The following ICA1L variants were observed in gnomAD, a reference collection of about 807,000 sequenced individuals.
The protein encoded by ICA1L is islet cell autoantigen 1-like protein.
In ICA1L, 50 loss-of-function variants were observed where a neutral mutation model predicts 61.3. The observed-to-expected ratio is 0.82, with a 90% CI of 0.65 to 1.03. ICA1L has a LOEUF of 1.03. ICA1L is among the 50% of genes least tolerant of loss of function. The probability of loss-of-function intolerance (pLI) is 0.00; values close to 1 mark genes in which losing one functional copy is unlikely to be tolerated. For synonymous variants in ICA1L, 161 were observed against 191.3 expected, an observed-to-expected ratio of 0.84 and a Z score of 1.31; for missense variants, 508 against 556.7, an observed-to-expected ratio of 0.91 and a Z score of 0.88.
At position 202,779,351 on chromosome 2, in the gene ICA1L, G is replaced by A. The variant is rs552884921; in HGVS notation, c.*182C>T. Reference sequence around the variant, plus strand: ...ATAGTACCAACAGCTGCAAATCCAAGATATGAAAGATGTGTACTTATTCAA... The same window carrying A: ...ATAGTACCAACAGCTGCAAATCCAAAATATGAAAGATGTGTACTTATTCAA... On this transcript the variant is annotated 3_prime_UTR_variant, in exon 13 of 13. Transcript: ENST00000358299. The A allele has an allele frequency of 4.3e-5, 19 of 441,996 alleles. No homozygotes were observed. Among genetic ancestry groups the A allele is most frequent in the African/African-American group, 3.8e-4 (19 of 49,820 alleles). The allele number at this position is 441,996 out of a possible 1,614,324, so 27.4% of individuals were successfully genotyped here. A position where few individuals can be genotyped will look rare whatever the true frequency, so the allele number is the denominator to read the frequency against.
At chr2:202,804,215 C>T (rs778702204) in intron 9 of ICA1L, among the ~76,000 whole-genome samples, 2 of 152,046 alleles carry the variant, frequency 1.3e-5, no homozygotes, top group Non-Finnish European at 2.9e-5. Context: ...TTCCTCTTTT[C>T]CTATATTCTC....
At chr2:202,785,775 T>C (rs1692561077) in intron 12 of ICA1L, 143 bp downstream of exon 12, 2 of 527,400 alleles carry the variant, frequency 3.8e-6, no homozygotes, top group African/African-American at 1.9e-5. Context: ...ATAAGCAGTA[T>C]AGCTTTCATT....
chr2:202,790,260 T>G (rs757089493), intron 10 of ICA1L, among the ~76,000 whole-genome samples: 1 of 152,110 alleles, frequency 6.6e-6, no homozygotes, highest in Non-Finnish European at 1.5e-5. Flanking sequence ...TCAATAAAAA[T>G]GAAAGGGAGA....
chr2:202,822,748 G>A (rs1693733260), intron 3 of ICA1L, among the ~76,000 whole-genome samples: 1 of 152,052 alleles, frequency 6.6e-6, no homozygotes, highest in Admixed American at 6.5e-5. Context: ...GGCTACTTGT[G>A]GGGCAGCAAC....
At position 202,864,501 on chromosome 2, in the gene ICA1L, G is replaced by A. The variant is rs550233282; in HGVS notation, c.-8+7118C>T. 8.3e-4 allele frequency among the ~76,000 whole-genome samples: 126 copies of A among 152,138 alleles called. 7 individuals are homozygous for A. The highest frequency in any genetic ancestry group is 6.8e-3 in the Middle Eastern group (2 of 294). ...ACCCGCCTCGGCCTCCCAAAGTGCT[G>A]GGATTACAGGCGCCTACAGACCAAT... On this transcript the variant is annotated intron_variant, in intron 1 of 12. Coordinates refer to ENST00000358299, the MANE Select transcript of ICA1L (RefSeq NM_001288622.3).
chr2:202,843,506 T>C (rs1559145393), intron 1 of ICA1L, among the ~76,000 whole-genome samples: 1 of 152,232 alleles, frequency 6.6e-6, no homozygotes. Flanking sequence ...AGAGAAGCTA[T>C]GGCTGAAGGG....
chr2:202,848,242 C>T (rs1202681900), intron 1 of ICA1L, among the ~76,000 whole-genome samples: 1 of 152,264 alleles, frequency 6.6e-6, no homozygotes, highest in Admixed American at 6.5e-5. Flanking sequence ...GGATTACAGG[C>T]GTGAGCCACC....
chr2:202,834,643 A>G (rs1424626925), intron 1 of ICA1L, among the ~76,000 whole-genome samples: 1 of 152,040 alleles, frequency 6.6e-6, no homozygotes, highest in Non-Finnish European at 1.5e-5. Flanking sequence ...AACAAAAACA[A>G]AAAACCCTAC....
intron 1 of ICA1L, among the ~76,000 whole-genome samples, chr2:202,869,975 G>A (rs1687649276): frequency 1.3e-5 from 2 of 152,066 alleles, no homozygotes; most frequent in Non-Finnish European, 1.5e-5. Flanking sequence ...TACTTCGAAC[G>A]AGGAAATCTT....
chr2:202,816,068 G>T, intron 6 of ICA1L, 59 bp from the exon 7 acceptor site: 1 of 1,076,804 alleles, frequency 9.3e-7, no homozygotes, highest in Non-Finnish European at 1.3e-6. Flanking sequence ...TTTTTTAAGT[G>T]CTATATTTCC....
rs1693646075 is a variant in ICA1L, at chr2:202,819,750, G to C, written c.509C>G (p.Ser170Cys). Residue 170 changes from serine (S) to cysteine (C), a missense_variant, in exon 5 of 13, where the codon TCC (serine) becomes TGC (cysteine). By Grantham distance (112) the Ser-to-Cys change is moderately radical. Transcript: ENST00000358299. ...RGALLWMKDVSQELDPDTLKQ... is the reference protein window; with the variant it reads ...RGALLWMKDVCQELDPDTLKQ... ...TAAGGTGTCTGGGTCCAGCTCTTGGGATACATCTTTCATCCACAGTAGAGC... is the reference window on the plus strand; with the variant it reads ...TAAGGTGTCTGGGTCCAGCTCTTGGCATACATCTTTCATCCACAGTAGAGC... The C allele has an allele frequency of 6.2e-7, 1 of 1,614,050 alleles. No individual in the cohort carries two copies. Among genetic ancestry groups the C allele is most frequent in the Non-Finnish European group, 8.5e-7 (1 of 1,179,984 alleles).
chr2:202,828,296 A>G (rs1693906419), intron 2 of ICA1L, among the ~76,000 whole-genome samples: 1 of 150,180 alleles, frequency 6.7e-6, no homozygotes. Flanking sequence ...TTTTTAATTC[A>G]TTTATATTAC....
chr2:202,834,822 T>G (rs1694104525), intron 1 of ICA1L, among the ~76,000 whole-genome samples: 1 of 152,066 alleles, frequency 6.6e-6, no homozygotes, highest in Admixed American at 6.6e-5. Context: ...TAGCTATATA[T>G]TTTTTTCATT....
chr2:202,783,343 CGT>C (rs1197295589), intron 12 of ICA1L, among the ~76,000 whole-genome samples: 3 of 152,156 alleles, frequency 2.0e-5, no homozygotes, highest in African/African-American at 7.2e-5. Flanking sequence ...AATGGAGAAA[CGT>C]GACAGATACC....
intron 1 of ICA1L, among the ~76,000 whole-genome samples, chr2:202,857,649 T>G (rs1266697246): frequency 6.6e-6 from 1 of 152,094 alleles, no homozygotes; most frequent in Non-Finnish European, 1.5e-5. Context: ...CTAAAGAGCT[T>G]CTGCACAGCA....
chr2:202,814,343 T>C (rs1309816396), intron 8 of ICA1L, among the ~76,000 whole-genome samples: 1 of 152,090 alleles, frequency 6.6e-6, no homozygotes, highest in East Asian at 1.9e-4. Flanking sequence ...TCTGAATGGG[T>C]TGTTATACAG....
intron 5 of ICA1L, among the ~76,000 whole-genome samples, chr2:202,818,153 G>GA (rs1693591442): frequency 6.6e-6 from 1 of 151,626 alleles, no homozygotes; most frequent in Admixed American, 6.6e-5. Context: ...GGAGGCACAG[G>GA]AAAAAAAAGA....
At chr2:202,830,941 A>C (rs1694000866) in intron 1 of ICA1L, among the ~76,000 whole-genome samples, 1 of 152,188 alleles carries the variant, frequency 6.6e-6, no homozygotes, top group Non-Finnish European at 1.5e-5. Context: ...ATCGAAATCC[A>C]ACTATATGCT....
rs1357800545 is a variant in ICA1L, at chr2:202,777,639, G to T, written c.*1894C>A. On this transcript the variant is annotated 3_prime_UTR_variant, in exon 13 of 13. Coordinates refer to ENST00000358299, the MANE Select transcript of ICA1L (RefSeq NM_001288622.3). Reference sequence around the variant, plus strand: ...TCTGAGTCAATGTTTCTGACCTTCAGATAAGGTCTTTCCAGCCTATACTGT... The same window carrying T: ...TCTGAGTCAATGTTTCTGACCTTCATATAAGGTCTTTCCAGCCTATACTGT... The T allele has an allele frequency of 6.6e-6, 1 of 152,120 alleles. No homozygotes were observed. Among genetic ancestry groups the T allele is most frequent in the Non-Finnish European group, 1.5e-5 (1 of 68,030 alleles). 9.4% of individuals were successfully genotyped at this position (152,120 alleles called of 1,614,324 possible). A position where few individuals can be genotyped will look rare whatever the true frequency, so the allele number is the denominator to read the frequency against.
Sources: gnomAD v4.1 joint callset for allele counts (sites outside exome capture counted in the v4.1 genomes callset) on GRCh38, gnomAD v4.1.1 for gene constraint, MANE v1.5 for transcripts, NCBI Gene and HGNC (gene_info 2026-07-23, HGNC 2026-07-21) for gene names.